GSTCD: variants seen among roughly 807,000 people sequenced by gnomAD.
GSTCD encodes the protein glutathione S-transferase C-terminal domain-containing protein.
In GSTCD, 44 loss-of-function variants were observed where a neutral mutation model predicts 68.3. The ratio of observed to expected loss-of-function variants is 0.64; its 90% CI spans 0.51 to 0.83. The LOEUF is 0.83. Ranked by LOEUF, GSTCD falls within the 40% of genes least tolerant of loss-of-function variation. The pLI is 0.00. For synonymous variants in GSTCD, 273 were observed against 255.2 expected (o/e 1.07, Z -0.67); for missense variants, 739 against 735.9 (o/e 1.00, Z -0.05).
rs569407572 is a variant in GSTCD, at chr4:105,727,505, A to G, written c.1146+675A>G. 2.0e-5 allele frequency among the ~76,000 whole-genome samples: 3 copies of G among 151,876 alleles called. No homozygotes were observed. The South Asian group carries it at 6.3e-4, about 32-fold the overall frequency. ...GTACCGCTGTACTCCAGCTTGGGCA[A>G]CAAAGTGAGACTCTGTCTCGGAAAA... On this transcript the variant is annotated intron_variant, in intron 4 of 11. Coordinates refer to ENST00000515279, the MANE Select transcript of GSTCD (RefSeq NM_001370181.1).
At chr4:105,810,883 C>G (rs1477299670) in intron 5 of GSTCD, among the ~76,000 whole-genome samples, 1 of 151,996 alleles carries the variant, frequency 6.6e-6, no homozygotes. Context: ...CTGGGAAATA[C>G]AGTTGTCCTG....
intron 5 of GSTCD, among the ~76,000 whole-genome samples, chr4:105,779,196 C>G (rs1735185728): frequency 6.6e-6 from 1 of 152,118 alleles, no homozygotes; most frequent in Non-Finnish European, 1.5e-5. Flanking sequence ...CTCTTTTAAT[C>G]TGGAACACTT....
chr4:105,804,506 T>C (rs960649114), intron 5 of GSTCD, among the ~76,000 whole-genome samples: 1 of 152,132 alleles, frequency 6.6e-6, no homozygotes, highest in Non-Finnish European at 1.5e-5. Flanking sequence ...CCTGAGGGCA[T>C]TGTAGAAATT....
intron 5 of GSTCD, among the ~76,000 whole-genome samples, chr4:105,798,969 G>C (rs1054721162): frequency 6.6e-6 from 1 of 152,194 alleles, no homozygotes; most frequent in Non-Finnish European, 1.5e-5. Flanking sequence ...TGAAAAATCT[G>C]TTCTTTAGTG....
At chr4:105,802,717 A>G (rs942933778) in intron 5 of GSTCD, among the ~76,000 whole-genome samples, 1 of 151,800 alleles carries the variant, frequency 6.6e-6, no homozygotes, top group Non-Finnish European at 1.5e-5. Flanking sequence ...TCTTCTTTGC[A>G]TTCAGGAGGT....
At chr4:105,811,554 A>C in intron 5 of GSTCD, among the ~76,000 whole-genome samples, 1 of 119,012 alleles carries the variant, frequency 8.4e-6, no homozygotes, top group Non-Finnish European at 1.7e-5. Flanking sequence ...GGGGGGAGGG[A>C]TAGCATTAGG....
At position 105,780,535 on chromosome 4, in the gene GSTCD, A is replaced by G. The variant is rs368447097; in HGVS notation, c.1241-42419A>G. Among the ~76,000 whole-genome samples the G allele has an allele frequency of 1.3e-4, 20 of 152,326 alleles. No individual in the cohort carries two copies. In the East Asian group the frequency reaches 3.9e-3, roughly 29 times the overall value. On this transcript the variant is annotated intron_variant, in intron 5 of 11. Transcript: ENST00000515279. Reference sequence around the variant, plus strand: ...TGACTGAACAGAATGAATGGATGAAATATTTGAGCATGTCATTATGAGGAT... The same window carrying G: ...TGACTGAACAGAATGAATGGATGAAGTATTTGAGCATGTCATTATGAGGAT...
At chr4:105,841,734 C>T (rs1724347794) in intron 10 of GSTCD, among the ~76,000 whole-genome samples, 2 of 151,878 alleles carry the variant, frequency 1.3e-5, no homozygotes, top group Admixed American at 6.6e-5. Flanking sequence ...GCCTGTAGTC[C>T]CAACTACACG....
chr4:105,742,819 A>G (rs1429914259), intron 5 of GSTCD, among the ~76,000 whole-genome samples: 7 of 151,484 alleles, frequency 4.6e-5, no homozygotes, highest in African/African-American at 1.7e-4. Context: ...AGTGCAAGCA[A>G]TCCTCCCACC....
At chr4:105,758,268 T>G (rs1238688354) in intron 5 of GSTCD, among the ~76,000 whole-genome samples, 1 of 152,196 alleles carries the variant, frequency 6.6e-6, no homozygotes, top group Non-Finnish European at 1.5e-5. Flanking sequence ...TTCTATACTT[T>G]TGGTTATTCC....
chr4:105,829,138 A>G (rs1015010450), intron 8 of GSTCD, among the ~76,000 whole-genome samples: 1 of 151,510 alleles, frequency 6.6e-6, no homozygotes, highest in African/African-American at 2.4e-5. Flanking sequence ...TTCTCTGTAG[A>G]AGCAGAACTG....
chr4:105,830,516 T>C (rs1400133816), intron 8 of GSTCD, among the ~76,000 whole-genome samples: 1 of 151,488 alleles, frequency 6.6e-6, no homozygotes, highest in Non-Finnish European at 1.5e-5. Flanking sequence ...AAATATAAAG[T>C]AAATAAGAAA....
At chr4:105,732,480 G>C (rs1407526352) in intron 5 of GSTCD, among the ~76,000 whole-genome samples, 1 of 152,138 alleles carries the variant, frequency 6.6e-6, no homozygotes, top group Non-Finnish European at 1.5e-5. Context: ...TATTTGCATA[G>C]AGGTGTTTAT....
At chr4:105,809,992 G>GT (rs941504512) in intron 5 of GSTCD, among the ~76,000 whole-genome samples, 9 of 151,576 alleles carry the variant, frequency 5.9e-5, no homozygotes, top group South Asian at 4.2e-4. Context: ...TGCTAACCTA[G>GT]TTTTTTTTAT....
At chr4:105,829,283 A>G (rs1308724000) in intron 8 of GSTCD, among the ~76,000 whole-genome samples, 1 of 151,720 alleles carries the variant, frequency 6.6e-6, no homozygotes. Context: ...TTACTCTTTC[A>G]TTCAGAATTT....
At chr4:105,740,297 CT>C (rs1733591245) in intron 5 of GSTCD, among the ~76,000 whole-genome samples, 1 of 151,888 alleles carries the variant, frequency 6.6e-6, no homozygotes, top group Non-Finnish European at 1.5e-5. Flanking sequence ...GGACTCACTA[CT>C]GGAGTGAGGA....
At position 105,717,906 on chromosome 4, in the gene GSTCD, A is replaced by G. The variant is rs769150623; in HGVS notation, c.293A>G (p.Asp98Gly). The part of the protein sequence containing the change: ...CCLPAVVERS[D>G]NFCRAGLAVV... ...TTGCCTGCAGTAGTAGAACGATCAG[A>G]CAATTTTTGTAGAGCAGGACTTGCT... is the stretch of plus-strand genomic sequence containing the variant. Residue 98 changes from aspartate (D) to glycine (G), a missense_variant, in exon 2 of 12, where the codon GAC becomes GGC. By Grantham distance (94) the Asp-to-Gly change is moderately conservative. Coordinates refer to ENST00000515279, the MANE Select transcript of GSTCD (RefSeq NM_001370181.1). The G allele has an allele frequency of 1.9e-6, 3 of 1,614,176 alleles. No individual in the cohort carries two copies. The highest frequency in any genetic ancestry group is 2.5e-6 in the Non-Finnish European group (3 of 1,180,010).
At chr4:105,717,265 T>C (rs1168286819) in intron 1 of GSTCD, among the ~76,000 whole-genome samples, 2 of 152,170 alleles carry the variant, frequency 1.3e-5, no homozygotes, top group Non-Finnish European at 2.9e-5. Flanking sequence ...TTTTGGTTAA[T>C]TTATTTCCCC....
At chr4:105,790,995 T>C (rs1231646781) in intron 5 of GSTCD, among the ~76,000 whole-genome samples, 1 of 151,958 alleles carries the variant, frequency 6.6e-6, no homozygotes, top group African/African-American at 2.4e-5. Context: ...AACCACTTTC[T>C]CATTTAGGAA....
Sources: gnomAD v4.1 joint callset for allele counts (sites outside exome capture counted in the v4.1 genomes callset) on GRCh38, gnomAD v4.1.1 for gene constraint, MANE v1.5 for transcripts, NCBI Gene and HGNC (gene_info 2026-07-23, HGNC 2026-07-21) for gene names.